The following PC variants were observed in gnomAD, a reference collection of about 807,000 sequenced individuals.
PC encodes the protein pyruvate carboxylase, also known as pyruvate carboxylase, mitochondrial.
Under a neutral mutation model 107.8 loss-of-function variants are expected in PC, and 46 were observed. That is an observed-to-expected ratio of 0.43 (90% CI 0.34 to 0.55). The LOEUF is 0.55. PC is among the 20% of genes least tolerant of loss of function. The pLI, the probability that PC is intolerant of heterozygous loss-of-function variation, is 0.04. For missense variants in PC, 1,241 were observed against 1,643.1 expected (o/e 0.76, Z 4.23); for synonymous variants, 662 against 684.7 (o/e 0.97, Z 0.52).
At chr11:66,902,439 G>A (rs1018820545) in intron 3 of PC, among the ~76,000 whole-genome samples, 1 of 152,152 alleles carries the variant, frequency 6.6e-6, no homozygotes, top group Non-Finnish European at 1.5e-5. Flanking sequence ...CTTGTAAGGG[G>A]AATATTATTG....
chr11:66,849,356 C>G lies in PC; in HGVS notation c.3162G>C (p.Arg1054=). 1 of 1,612,994 alleles carries G rather than the reference C, an allele frequency of 6.2e-7. No homozygotes were observed. Among genetic ancestry groups the G allele is most frequent in the Non-Finnish European group, 8.5e-7 (1 of 1,180,034 alleles). Residue 1054 remains arginine, a synonymous_variant, in exon 22 of 23, where the codon CGG becomes CGC. Transcript: ENST00000393960. The part of the protein sequence containing the change: ...IAEEFEVELE[R]GKTLHIKALA... The stretch of plus-strand genomic sequence containing the variant: ...GGGCTTTGATGTGCAGCGTCTTGCC[C>G]CGCTCCAGCTCCACCTGCAGGGAGG...
intron 3 of PC, among the ~76,000 whole-genome samples, chr11:66,951,990 G>A (rs904707950): frequency 3.3e-5 from 5 of 151,942 alleles, no homozygotes; most frequent in Admixed American, 6.6e-5. Flanking sequence ...CGTTGTTACC[G>A]TGACTGGCAA....
Position 66,852,035 on chromosome 11 carries a change from G to A in PC, c.1826-89C>T. ...AGCTAGCTCTGCAGCACAAGCCTCT[G>A]GCCCCAATACCAGGTCCTGCTCATC... On this transcript the variant is annotated intron_variant, in intron 15 of 22. Transcript: ENST00000393960. This position sits in a 1 kb window ranked among gnomAD's most constrained non-coding sequence, Gnocchi z 4.7. 7.4e-7 allele frequency: 1 copy of A among 1,347,418 alleles called. No individual in the cohort carries two copies. Among genetic ancestry groups the A allele is most frequent in the African/African-American group, 1.4e-5 (1 of 69,258 alleles). 83.5% of individuals were successfully genotyped at this position (1,347,418 alleles called of 1,614,324 possible). A position where few individuals can be genotyped will look rare whatever the true frequency, so the allele number is the denominator to read the frequency against.
At chr11:66,875,892 G>A (rs1946959118) in intron 3 of PC, among the ~76,000 whole-genome samples, 1 of 152,104 alleles carries the variant, frequency 6.6e-6, no homozygotes, top group Admixed American at 6.5e-5. Context: ...TAGCACCGAA[G>A]GGATACCACA....
chr11:66,941,154 T>C (rs2136132048), intron 3 of PC, among the ~76,000 whole-genome samples: 1 of 149,618 alleles, frequency 6.7e-6, no homozygotes, highest in African/African-American at 2.5e-5. Flanking sequence ...TACAATGAGA[T>C]ATCACCTCAT....
intron 3 of PC, among the ~76,000 whole-genome samples, chr11:66,924,642 C>T (rs551936443): frequency 1.3e-5 from 2 of 152,168 alleles, no homozygotes; most frequent in African/African-American, 4.8e-5. Context: ...AAAAAATTAG[C>T]ATGTGTCAGG....
chr11:66,872,423 C>T (rs189175455), intron 3 of PC, among the ~76,000 whole-genome samples: 3 of 152,234 alleles, frequency 2.0e-5, no homozygotes, highest in East Asian at 3.9e-4. Flanking sequence ...CTAGGCTGGT[C>T]GCAAATGATC....
chr11:66,947,052 A>T (rs1319799906), intron 3 of PC, among the ~76,000 whole-genome samples: 2 of 152,188 alleles, frequency 1.3e-5, no homozygotes, highest in African/African-American at 4.8e-5. Flanking sequence ...AGGAATGTAA[A>T]ATACTACAAC....
chr11:66,930,282 C>A (rs1948816532), intron 3 of PC, among the ~76,000 whole-genome samples: 1 of 152,124 alleles, frequency 6.6e-6, no homozygotes, highest in African/African-American at 2.4e-5. Flanking sequence ...CCTGGGCGAT[C>A]AGAAAATACT....
intron 3 of PC, among the ~76,000 whole-genome samples, chr11:66,872,705 A>G (rs1171014841): frequency 6.6e-6 from 1 of 151,930 alleles, no homozygotes; most frequent in African/African-American, 2.4e-5. Flanking sequence ...ACTGTACTCC[A>G]GCCTGGGCGA....
chr11:66,880,955 C>T (rs551766368), intron 3 of PC, among the ~76,000 whole-genome samples: 4 of 152,180 alleles, frequency 2.6e-5, no homozygotes, highest in Admixed American at 6.5e-5. Context: ...CGAGCTGAGC[C>T]GCAACTCTTC....
intron 3 of PC, among the ~76,000 whole-genome samples, chr11:66,939,605 G>C (rs1159213601): frequency 6.6e-6 from 1 of 152,020 alleles, no homozygotes; most frequent in East Asian, 1.9e-4. Flanking sequence ...AGGAGTTTGA[G>C]ACCAGCCTGA....
At chr11:66,931,666 C>T (rs1948857452) in intron 3 of PC, among the ~76,000 whole-genome samples, 1 of 151,740 alleles carries the variant, frequency 6.6e-6, no homozygotes. Flanking sequence ...TTCCAAGATA[C>T]ACTGATAAAT....
At chr11:66,892,394 G>T (rs566178438) in intron 3 of PC, among the ~76,000 whole-genome samples, 1 of 152,168 alleles carries the variant, frequency 6.6e-6, no homozygotes, top group Non-Finnish European at 1.5e-5. Context: ...CAGGCATCAC[G>T]TTCCAGAACG....
chr11:66,925,296 G>A lies in PC; in HGVS notation c.-1+27134C>T, dbSNP rs4930186. On this transcript the variant is annotated intron_variant, in intron 3 of 22. Coordinates refer to ENST00000393960, the MANE Select transcript of PC (RefSeq NM_001040716.2). Reference sequence around the variant, plus strand: ...GTCCTAATAAGCCTGGGAGCTCTACGGGAGACTGGGGCTTATTTCATCCCT... The same window carrying A: ...GTCCTAATAAGCCTGGGAGCTCTACAGGAGACTGGGGCTTATTTCATCCCT... 3.0e-3 allele frequency among the ~76,000 whole-genome samples: 464 copies of A among 152,286 alleles called. 2 individuals carry two copies. The highest frequency in any genetic ancestry group is 6.8e-3 in the Middle Eastern group (2 of 294).
chr11:66,859,180 C>G, intron 12 of PC: 2 of 1,411,868 alleles, frequency 1.4e-6, no homozygotes, highest in South Asian at 3.2e-5. Context: ...TCCACCCCTC[C>G]TCTCTCTGGG....
chr11:66,853,179 A>G (rs1464275220), intron 13 of PC, 60 bp downstream of exon 13: 24 of 1,587,784 alleles, frequency 1.5e-5, no homozygotes, highest in East Asian at 2.2e-5. Flanking sequence ...AGGAGGTAGG[A>G]GCAAGAGATT....
At chr11:66,907,294 G>A (rs186027197) in intron 3 of PC, among the ~76,000 whole-genome samples, 320 of 152,350 alleles carry the variant, frequency 2.1e-3, no homozygotes, top group Middle Eastern at 6.8e-3. Context: ...TTGGGAGGCC[G>A]AGGCGGGCAG....
chr11:66,929,635 G>A (rs1591295671), intron 3 of PC, among the ~76,000 whole-genome samples: 1 of 152,092 alleles, frequency 6.6e-6, no homozygotes, highest in South Asian at 2.1e-4. Context: ...CCAAAGTGCT[G>A]GGATTACAGG....
Sources: allele counts gnomAD v4.1 joint callset (sites outside exome capture counted in the v4.1 genomes callset), GRCh38; gene constraint gnomAD v4.1.1; non-coding constraint Gnocchi (gnomAD v3.1); transcripts MANE v1.5; gene names NCBI Gene and HGNC (gene_info 2026-07-23, HGNC 2026-07-21).